WDFY4: variants seen among roughly 807,000 people sequenced by gnomAD.
The protein encoded by WDFY4 is WD repeat- and FYVE domain-containing protein 4.
A neutral mutation model predicts 351.9 loss-of-function variants in WDFY4; 169 were observed. The observed-to-expected ratio is 0.48, with a 90% CI of 0.42 to 0.55. WDFY4 has a LOEUF of 0.55. WDFY4 is among the 20% of genes least tolerant of loss of function. The pLI is 0.00. For synonymous variants in WDFY4, 1,622 were observed against 1,574.6 expected, an observed-to-expected ratio of 1.03 and a Z score of -0.71; for missense variants, 3,803 against 3,935.6, an observed-to-expected ratio of 0.97 and a Z score of 0.90.
rs957806813 is a variant in WDFY4, at chr10:48,727,682, G to A, written c.971+23G>A. On this transcript the variant is annotated intron_variant, in intron 7 of 61. Transcript: ENST00000325239. ...TCGGTAAGTGGCTGTGTTTGGTACG[G>A]GGAGAGCACAGGACCACCAAAGCCT... The A allele has an allele frequency of 7.1e-6, 11 of 1,550,778 alleles. No individual in the cohort carries two copies. In the Admixed American group the frequency reaches 2.2e-4, roughly 30 times the overall value.
chr10:48,936,852 G>GA (rs563247937), intron 47 of WDFY4, among the ~76,000 whole-genome samples: 4 of 142,566 alleles, frequency 2.8e-5, no homozygotes, highest in Admixed American at 1.4e-4. Flanking sequence ...AAAAAAAAAA[G>GA]AAAAAAAAAG....
chr10:48,944,929 T>G (rs1424197998), intron 49 of WDFY4, among the ~76,000 whole-genome samples: 1 of 152,082 alleles, frequency 6.6e-6, no homozygotes, highest in Non-Finnish European at 1.5e-5. Context: ...GAAAGCTGAG[T>G]GTGGGTCTCC....
intron 47 of WDFY4, among the ~76,000 whole-genome samples, chr10:48,941,422 CA>C (rs1263183286): frequency 6.6e-6 from 1 of 152,186 alleles, no homozygotes; most frequent in Non-Finnish European, 1.5e-5. Flanking sequence ...ACGTTGTTTG[CA>C]TTTTATCCAC....
chr10:48,821,301 C>T (rs1489577605), intron 34 of WDFY4, 125 bp downstream of exon 34: 1 of 699,974 alleles, frequency 1.4e-6, no homozygotes, highest in Non-Finnish European at 2.4e-6. Context: ...GCGTCAGTCC[C>T]TCCAGGCATC....
intron 31 of WDFY4, among the ~76,000 whole-genome samples, chr10:48,815,326 A>G (rs2067584584): frequency 1.3e-5 from 2 of 151,304 alleles, no homozygotes; most frequent in African/African-American, 4.9e-5. Context: ...TATGTTTATT[A>G]GCTATCTTTA....
chr10:48,868,009 G>A (rs907878306), intron 40 of WDFY4, among the ~76,000 whole-genome samples: 1 of 152,156 alleles, frequency 6.6e-6, no homozygotes, highest in Non-Finnish European at 1.5e-5. Flanking sequence ...ACATGGTGAT[G>A]AGCTCAATGA....
At chr10:48,716,068 C>G (rs1357301097) in intron 2 of WDFY4, among the ~76,000 whole-genome samples, 1 of 152,102 alleles carries the variant, frequency 6.6e-6, no homozygotes, top group Non-Finnish European at 1.5e-5. Context: ...TTATTCCCAT[C>G]TTCGGGAAAT....
chr10:48,887,013 C>T (rs751531083), intron 43 of WDFY4, among the ~76,000 whole-genome samples: 2 of 152,244 alleles, frequency 1.3e-5, no homozygotes, highest in Admixed American at 1.3e-4. Flanking sequence ...CACTTGGGTT[C>T]ATTTTCTAGT....
chr10:48,737,672 A>T lies in WDFY4; in HGVS notation c.1878+1602A>T, dbSNP rs191341484. On this transcript the variant is annotated intron_variant, in intron 11 of 61. Transcript: ENST00000325239. ...AGTGATTTAATTGCAGGGCCATAGA[A>T]TCAGTGGAAGTGATTTGTACGAAAC... Among the ~76,000 whole-genome samples, 150 of 152,364 alleles carry T rather than the reference A, an allele frequency of 9.8e-4. 1 individual carries two copies. In the Middle Eastern group the frequency reaches 0.01, roughly 10 times the overall value.
chr10:48,958,105 A>G (rs1841692029), intron 52 of WDFY4, among the ~76,000 whole-genome samples: 1 of 152,200 alleles, frequency 6.6e-6, no homozygotes, highest in Non-Finnish European at 1.5e-5. Flanking sequence ...CATGCACCTG[A>G]GCCAGGCCAG....
chr10:48,891,160 G>A (rs11101549), intron 44 of WDFY4, among the ~76,000 whole-genome samples: 1,982 of 152,322 alleles, frequency 0.013, 35 homozygotes, highest in African/African-American at 0.045. Flanking sequence ...ACACACTATG[G>A]TCGTGGGACA....
chr10:48,875,081 T>A lies in WDFY4; in HGVS notation c.6949-8T>A, dbSNP rs750302081. On this transcript the variant is annotated splice_polypyrimidine_tract_variant and splice_region_variant and intron_variant, in intron 41 of 61. Coordinates refer to ENST00000325239, the MANE Select transcript of WDFY4 (RefSeq NM_001394531.1). ...ATTTAATTTTTCTTTTCAATGTCCT[T>A]ATTTCAGGAAAGCCAAGACAAAAAT... 6 of 1,480,018 alleles carry A rather than the reference T, an allele frequency of 4.1e-6. No individual in the cohort carries two copies. The highest frequency in any genetic ancestry group is 4.5e-6 in the Non-Finnish European group (5 of 1,111,600). 91.7% of individuals were successfully genotyped at this position (1,480,018 alleles called of 1,614,324 possible). A position where few individuals can be genotyped will look rare whatever the true frequency, so the allele number is the denominator to read the frequency against.
At chr10:48,799,637 G>T (rs1009493119) in intron 24 of WDFY4, among the ~76,000 whole-genome samples, 1 of 152,144 alleles carries the variant, frequency 6.6e-6, no homozygotes, top group Admixed American at 6.5e-5. Flanking sequence ...GGTGGGCATA[G>T]TTGCGGGCGC....
In WDFY4 at chr10:48,918,917, T is replaced by C. The variant is rs57694551; in HGVS notation, c.7586+17054T>C. Among the ~76,000 whole-genome samples, 388 of 152,290 alleles carry C rather than the reference T, an allele frequency of 2.5e-3. 2 individuals are homozygous for C. Among genetic ancestry groups the C allele is most frequent in the African/African-American group, 8.3e-3 (343 of 41,542 alleles). Reference sequence around the variant, plus strand: ...GCCAAATGTCCACTGAGGAGCAAAATTGCCTGGAGATGAGAACTGCTAGTA... The same window carrying C: ...GCCAAATGTCCACTGAGGAGCAAAACTGCCTGGAGATGAGAACTGCTAGTA... On this transcript the variant is annotated intron_variant, in intron 47 of 61. Coordinates refer to ENST00000325239, the MANE Select transcript of WDFY4 (RefSeq NM_001394531.1).
At chr10:48,830,958 T>TTG in intron 38 of WDFY4, 73 bp downstream of exon 38, 1 of 1,461,456 alleles carries the variant, frequency 6.8e-7, no homozygotes, top group Non-Finnish European at 9.2e-7. Flanking sequence ...AAGGTTCAAC[T>TTG]CAGTGCCTAG....
At chr10:48,806,687 A>C (rs1012124912) in intron 27 of WDFY4, among the ~76,000 whole-genome samples, 1 of 152,192 alleles carries the variant, frequency 6.6e-6, no homozygotes, top group African/African-American at 2.4e-5. Flanking sequence ...TGTCTTGTTC[A>C]ATTTGTTCCC....
intron 43 of WDFY4, among the ~76,000 whole-genome samples, chr10:48,886,787 C>T (rs1054064595): frequency 1.3e-5 from 2 of 152,240 alleles, no homozygotes; most frequent in Non-Finnish European, 1.5e-5. Flanking sequence ...TGTCATCATA[C>T]ACAGAGCTAG....
At chr10:48,688,858 G>A (rs2063123857) in intron 1 of WDFY4, among the ~76,000 whole-genome samples, 1 of 152,172 alleles carries the variant, frequency 6.6e-6, no homozygotes, top group Admixed American at 6.5e-5. Context: ...GAGAAAGAGA[G>A]AAGCTAAAGA....
At chr10:48,790,478 C>A (rs1013103523) in intron 22 of WDFY4, among the ~76,000 whole-genome samples, 2 of 152,206 alleles carry the variant, frequency 1.3e-5, no homozygotes, top group Non-Finnish European at 2.9e-5. Flanking sequence ...CAGAGGGCGG[C>A]AATCTGAAAT....
Sources: allele counts gnomAD v4.1 joint callset (sites outside exome capture counted in the v4.1 genomes callset), GRCh38; gene constraint gnomAD v4.1.1; transcripts MANE v1.5; gene names NCBI Gene and HGNC (gene_info 2026-07-23, HGNC 2026-07-21).